The following ANTXR2 variants were observed in gnomAD, a reference collection of about 807,000 sequenced individuals.
The protein encoded by ANTXR2 is anthrax toxin receptor 2.
In ANTXR2, 44 loss-of-function variants were observed where a neutral mutation model predicts 73.7. The ratio of observed to expected loss-of-function variants is 0.60; its 90% CI spans 0.47 to 0.77. ANTXR2 has a LOEUF of 0.77. Among genes scored for constraint, ANTXR2 ranks in the 30% least tolerant of loss-of-function variants. The probability of loss-of-function intolerance (pLI) is 0.00; values close to 1 mark genes in which losing one functional copy is unlikely to be tolerated. For missense variants in ANTXR2, 604 were observed against 592.5 expected (o/e 1.02, Z -0.20); for synonymous variants, 217 against 205.9 (o/e 1.05, Z -0.46).
At position 80,008,568 on chromosome 4, in the gene ANTXR2, G is replaced by A; in HGVS notation, c.994C>T (p.Leu332=). Residue 332 remains leucine, a synonymous_variant, in exon 12 of 17, where the codon CTG becomes TTG. Coordinates refer to ENST00000403729, the MANE Select transcript of ANTXR2 (RefSeq NM_058172.6). ...AACCACCACATCAAACCGATCCCCA[G>A]GAGTAGCAGTAACACCAAAATAACA... is the stretch of plus-strand genomic sequence containing the variant. ...IIVILVLLLL[L]GIGLMWWFWP... 2 of 1,607,522 alleles carry A rather than the reference G, an allele frequency of 1.2e-6. No homozygotes were observed. Among genetic ancestry groups the A allele is most frequent in the Non-Finnish European group, 1.7e-6 (2 of 1,177,532 alleles).
intron 3 of ANTXR2, among the ~76,000 whole-genome samples, chr4:80,066,977 C>G (rs1194047816): frequency 6.6e-6 from 1 of 152,020 alleles, no homozygotes; most frequent in Non-Finnish European, 1.5e-5. Context: ...GCGGACGGAT[C>G]ACGAGGTCAG....
intron 11 of ANTXR2, among the ~76,000 whole-genome samples, chr4:80,010,360 G>T (rs1731513024): frequency 6.6e-6 from 1 of 152,128 alleles, no homozygotes; most frequent in South Asian, 2.1e-4. Flanking sequence ...TATAAATCTT[G>T]ATCTCACCTT....
At chr4:80,009,929 G>A (rs561753008) in intron 11 of ANTXR2, among the ~76,000 whole-genome samples, 4 of 151,500 alleles carry the variant, frequency 2.6e-5, no homozygotes, top group African/African-American at 9.7e-5. Context: ...CAAAAGACAT[G>A]GATACAAAGA....
At chr4:80,061,521 C>A (rs1734256501) in intron 3 of ANTXR2, among the ~76,000 whole-genome samples, 1 of 151,936 alleles carries the variant, frequency 6.6e-6, no homozygotes, top group South Asian at 2.1e-4. Flanking sequence ...CAAAATGTAG[C>A]AATACATAAG....
chr4:79,984,048 A>T (rs968355337), intron 13 of ANTXR2, 78 bp from the exon 14 acceptor site: 1 of 1,055,726 alleles, frequency 9.5e-7, no homozygotes, highest in African/African-American at 1.6e-5. Context: ...TCATATTTAA[A>T]TATTTTTCTG....
At chr4:79,988,879 C>T (rs534801155) in intron 12 of ANTXR2, among the ~76,000 whole-genome samples, 1 of 152,228 alleles carries the variant, frequency 6.6e-6, no homozygotes, top group South Asian at 2.1e-4. Flanking sequence ...AGTAAACAAA[C>T]TTGCTCCTAA....
chr4:80,053,790 T>C (rs568823449), intron 7 of ANTXR2, among the ~76,000 whole-genome samples: 1 of 151,836 alleles, frequency 6.6e-6, no homozygotes, highest in East Asian at 1.9e-4. Context: ...AGAAATATTA[T>C]GTGCTCTAGT....
intron 16 of ANTXR2, among the ~76,000 whole-genome samples, chr4:79,974,846 G>GA (rs1245420621): frequency 6.6e-6 from 1 of 151,354 alleles, no homozygotes; most frequent in African/African-American, 2.4e-5. Context: ...CTTCAAACAT[G>GA]AAAAAATAAA....
At chr4:79,999,155 A>T (rs1730888004) in intron 12 of ANTXR2, among the ~76,000 whole-genome samples, 1 of 151,876 alleles carries the variant, frequency 6.6e-6, no homozygotes, top group Non-Finnish European at 1.5e-5. Flanking sequence ...ATGCCCCTTG[A>T]TATGGTTTGG....
intron 7 of ANTXR2, among the ~76,000 whole-genome samples, chr4:80,049,447 G>T (rs1468348847): frequency 6.6e-6 from 1 of 151,712 alleles, no homozygotes; most frequent in Non-Finnish European, 1.5e-5. Flanking sequence ...AGTGGAAAGT[G>T]AAAAAGAGAA....
rs150643733 is a variant in ANTXR2, at chr4:80,043,779, T to C, written c.637-7747A>G. On this transcript the variant is annotated intron_variant, in intron 7 of 16. Transcript: ENST00000403729. ...CTGCCTGCTGGCCTCCTTGAGATTA[T>C]AGATGTTTGGCAGGAGATGAAAGTA... 7.2e-5 allele frequency among the ~76,000 whole-genome samples: 11 copies of C among 152,114 alleles called. No homozygotes were observed. The East Asian group carries it at 1.8e-3, about 24-fold the overall frequency.
At chr4:80,008,027 C>G (rs1424885596) in intron 12 of ANTXR2, among the ~76,000 whole-genome samples, 2 of 152,132 alleles carry the variant, frequency 1.3e-5, no homozygotes, top group Non-Finnish European at 2.9e-5. Flanking sequence ...CGTCATTACT[C>G]CAAAAGTAGC....
intron 12 of ANTXR2, among the ~76,000 whole-genome samples, chr4:80,007,527 T>C (rs1426927780): frequency 6.6e-6 from 1 of 152,146 alleles, no homozygotes; most frequent in Non-Finnish European, 1.5e-5. Context: ...CAAAAGGGAT[T>C]TTGCAGAAGT....
At chr4:80,008,360 C>T (rs1454257130) in intron 12 of ANTXR2, among the ~76,000 whole-genome samples, 161 bp downstream of exon 12, 1 of 152,066 alleles carries the variant, frequency 6.6e-6, no homozygotes, top group Non-Finnish European at 1.5e-5. Flanking sequence ...ATTTACTGAC[C>T]TGCATGTTTT....
chr4:79,972,920 T>TAAAA (rs746252575), intron 16 of ANTXR2, among the ~76,000 whole-genome samples: 1 of 53,156 alleles, frequency 1.9e-5, no homozygotes. Flanking sequence ...TAGAGTATAA[T>TAAAA]AAAAAAAAAA....
intron 12 of ANTXR2, among the ~76,000 whole-genome samples, chr4:80,004,104 A>G (rs1403977596): frequency 6.6e-6 from 1 of 152,056 alleles, no homozygotes; most frequent in African/African-American, 2.4e-5. Context: ...ACGACTACAC[A>G]CAGAAGCTTG....
At chr4:80,035,883 C>T in intron 8 of ANTXR2, 89 bp downstream of exon 8, 1 of 1,138,884 alleles carries the variant, frequency 8.8e-7, no homozygotes, top group Non-Finnish European at 1.2e-6. Context: ...TTTTGCTATT[C>T]TTTTTCCAAC....
intron 10 of ANTXR2, among the ~76,000 whole-genome samples, chr4:80,026,966 T>C (rs757477672): frequency 1.4e-4 from 22 of 152,062 alleles, no homozygotes; most frequent in Non-Finnish European, 2.4e-4. Flanking sequence ...TAGATATAAT[T>C]TGAAAACAGT....
At chr4:80,002,374 T>G (rs185824949) in intron 12 of ANTXR2, among the ~76,000 whole-genome samples, 1 of 152,184 alleles carries the variant, frequency 6.6e-6, no homozygotes, top group African/African-American at 2.4e-5. Context: ...AAGCTGAAAC[T>G]GGATCCCTTC....
Sources: gnomAD v4.1 joint callset for allele counts (sites outside exome capture counted in the v4.1 genomes callset) on GRCh38, gnomAD v4.1.1 for gene constraint, MANE v1.5 for transcripts, NCBI Gene and HGNC (gene_info 2026-07-23, HGNC 2026-07-21) for gene names.